EBF2: variants seen among roughly 807,000 people sequenced by gnomAD.
EBF2 encodes the protein EBF transcription factor 2, also known as transcription factor COE2.
In EBF2, 21 loss-of-function variants were observed where a neutral mutation model predicts 72.8. That is an observed-to-expected ratio of 0.29 (90% CI 0.20 to 0.42). The LOEUF is 0.42. Ranked by LOEUF, EBF2 falls within the 10% of genes least tolerant of loss-of-function variation. The pLI is 1.00. For synonymous variants in EBF2, 299 were observed against 274.2 expected (o/e 1.09, Z -0.89); for missense variants, 637 against 731.2 (o/e 0.87, Z 1.49).
intron 6 of EBF2, among the ~76,000 whole-genome samples, chr8:25,958,560 C>T (rs1803985841): frequency 6.6e-6 from 1 of 152,190 alleles, no homozygotes; most frequent in South Asian, 2.1e-4. Context: ...ATCCCCATTT[C>T]CTGCTGCTTA....
intron 6 of EBF2, among the ~76,000 whole-genome samples, chr8:25,952,465 A>G (rs1160591906): frequency 6.6e-6 from 1 of 152,188 alleles, no homozygotes; most frequent in Non-Finnish European, 1.5e-5. Flanking sequence ...GCCAACAGAA[A>G]TGTGATCCAG....
Position 25,950,659 on chromosome 8 carries a change from T to A in EBF2, c.552-42104A>T, listed in dbSNP as rs568634702. 3.2e-4 allele frequency among the ~76,000 whole-genome samples: 48 copies of A among 152,316 alleles called. 2 individuals are homozygous for A. The South Asian group carries it at 9.9e-3, about 32-fold the overall frequency. On this transcript the variant is annotated intron_variant, in intron 6 of 15. Transcript: ENST00000520164. ...TGGGTCTCCTTCAAGGAGGAATGGGTTAAAGTCTGTTAAACTACTGACCCA... is the reference window on the plus strand; with the variant it reads ...TGGGTCTCCTTCAAGGAGGAATGGGATAAAGTCTGTTAAACTACTGACCCA...
chr8:25,949,119 G>A (rs1430385501), intron 6 of EBF2, among the ~76,000 whole-genome samples: 1 of 152,180 alleles, frequency 6.6e-6, no homozygotes, highest in Admixed American at 6.5e-5. Flanking sequence ...ACATTAACTT[G>A]TTTAATCCTT....
At chr8:26,030,505 A>G (rs1391196516) in intron 6 of EBF2, among the ~76,000 whole-genome samples, 4 of 152,108 alleles carry the variant, frequency 2.6e-5, no homozygotes. Flanking sequence ...CAGCACACCA[A>G]CATGGCACAT....
At chr8:25,864,138 G>A (rs1802261146) in intron 10 of EBF2, among the ~76,000 whole-genome samples, 2 of 152,032 alleles carry the variant, frequency 1.3e-5, no homozygotes, top group African/African-American at 4.8e-5. Flanking sequence ...TCTAAGAATT[G>A]GAATTACTGG....
At chr8:26,039,795 C>T (rs1339006633) in intron 5 of EBF2, among the ~76,000 whole-genome samples, 2 of 152,352 alleles carry the variant, frequency 1.3e-5, no homozygotes, top group East Asian at 3.9e-4. Flanking sequence ...GGAGGAAACT[C>T]CTGCGACATC....
At chr8:25,962,128 C>CAAGTAAGTTTTCTTTGT (rs373561569) in intron 6 of EBF2, among the ~76,000 whole-genome samples, 75 of 152,272 alleles carry the variant, frequency 4.9e-4, no homozygotes, top group Middle Eastern at 3.4e-3. Flanking sequence ...TTGTTTTCTT[C>CAAGTAAGTTTTCTTTGT]TCCATTCAAA....
Position 26,002,896 on chromosome 8 carries a change from AGGCG to A in EBF2, c.551+30185_551+30188del, listed in dbSNP as rs1563204703. ...CGGGCAGGCGGGCAGGCGGGCAGGC[AGGCG>A]GGCAGGCGGGCAGGCGGGCAGGCGG... is the stretch of plus-strand genomic sequence containing the variant. On this transcript the variant is annotated intron_variant, in intron 6 of 15. Transcript: ENST00000520164. Among the ~76,000 whole-genome samples the A allele has an allele frequency of 1.2e-3, 18 of 14,954 alleles. No individual in the cohort carries two copies. In the East Asian group the frequency reaches 0.02, roughly 16 times the overall value. The allele number at this position is 14,954 out of a possible 152,430, so 9.8% of individuals were successfully genotyped here. A position where few individuals can be genotyped will look rare whatever the true frequency, so the allele number is the denominator to read the frequency against.
At position 25,875,547 on chromosome 8, in the gene EBF2, T is replaced by C. The variant is rs544148202; in HGVS notation, c.1009+11208A>G. On this transcript the variant is annotated intron_variant, in intron 10 of 15. Coordinates refer to ENST00000520164, the MANE Select transcript of EBF2 (RefSeq NM_022659.4). ...TTATTTGTAGAGAGGATAATTTCTA[T>C]GATTTCTAAAGAATTCAAGGAACTT... 2.6e-5 allele frequency among the ~76,000 whole-genome samples: 4 copies of C among 152,358 alleles called. No homozygotes were observed. In the East Asian group the frequency reaches 7.7e-4, roughly 29 times the overall value.
At chr8:25,862,295 C>A (rs1021941928) in intron 11 of EBF2, among the ~76,000 whole-genome samples, 1 of 152,130 alleles carries the variant, frequency 6.6e-6, no homozygotes, top group Non-Finnish European at 1.5e-5. Context: ...AAGCATTTTT[C>A]TCCTCATTAG....
chr8:25,863,212 C>G (rs1411565946), intron 10 of EBF2, among the ~76,000 whole-genome samples: 1 of 151,872 alleles, frequency 6.6e-6, no homozygotes, highest in Admixed American at 6.6e-5. Context: ...TTTTCTTAAC[C>G]AGTCTCTTAT....
chr8:26,041,343 G>A (rs561585031), intron 2 of EBF2: 31 of 327,910 alleles, frequency 9.5e-5, no homozygotes, highest in South Asian at 4.2e-4. Context: ...CTGTCCTTAG[G>A]AAGCCCCAAG....
intron 10 of EBF2, among the ~76,000 whole-genome samples, chr8:25,868,338 T>G (rs1248720079): frequency 6.6e-6 from 1 of 152,254 alleles, no homozygotes; most frequent in Admixed American, 6.5e-5. Flanking sequence ...GGGCAATGCT[T>G]TAATGTCTTA....
chr8:26,013,693 T>C (rs766101882), intron 6 of EBF2, among the ~76,000 whole-genome samples: 1 of 149,178 alleles, frequency 6.7e-6, no homozygotes, highest in Non-Finnish European at 1.5e-5. Context: ...CCACCCACTA[T>C]TAAAAAAAAA....
At chr8:25,862,627 G>GCA in intron 11 of EBF2, 82 bp downstream of exon 11, 1 of 1,065,006 alleles carries the variant, frequency 9.4e-7, no homozygotes, top group South Asian at 1.9e-5. Context: ...TAATTTTAAT[G>GCA]GGATGTAAAT....
intron 6 of EBF2, among the ~76,000 whole-genome samples, chr8:25,992,880 G>A (rs772155153): frequency 6.9e-6 from 1 of 145,910 alleles, no homozygotes; most frequent in African/African-American, 2.6e-5. Flanking sequence ...CAGCCTAGGC[G>A]ACAAGAATGA....
chr8:25,991,210 A>T (rs1804540351), intron 6 of EBF2, among the ~76,000 whole-genome samples: 1 of 152,204 alleles, frequency 6.6e-6, no homozygotes, highest in Non-Finnish European at 1.5e-5. Context: ...TTGTATTTTT[A>T]TCCTTATTTA....
chr8:25,976,793 T>C (rs1804275333), intron 6 of EBF2, among the ~76,000 whole-genome samples: 1 of 152,218 alleles, frequency 6.6e-6, no homozygotes, highest in Non-Finnish European at 1.5e-5. Flanking sequence ...CCGGTAAACA[T>C]GGACTCTTAA....
intron 6 of EBF2, among the ~76,000 whole-genome samples, chr8:25,962,923 G>T (rs1051179314): frequency 1.1e-4 from 17 of 152,178 alleles, no homozygotes; most frequent in African/African-American, 4.1e-4. Context: ...TCACCAGATT[G>T]CAAGGTCCTC....
Sources: gnomAD v4.1 joint callset for allele counts (sites outside exome capture counted in the v4.1 genomes callset) on GRCh38, gnomAD v4.1.1 for gene constraint, MANE v1.5 for transcripts, NCBI Gene and HGNC (gene_info 2026-07-23, HGNC 2026-07-21) for gene names.